The following NARS2 variants were observed in gnomAD, a reference collection of about 807,000 sequenced individuals.
The protein encoded by NARS2 is asparaginyl-tRNA synthetase.
NARS2 carries 60 observed loss-of-function variants against 62.9 expected under a neutral mutation model. That is an observed-to-expected ratio of 0.95 (90% confidence interval 0.77 to 1.18). The LOEUF (loss-of-function observed/expected upper bound fraction) is 1.18, where lower values mean the gene tolerates loss of function less well. Ranked by LOEUF, NARS2 falls within the 50% of genes most tolerant of loss-of-function variation. The probability of loss-of-function intolerance (pLI) is 0.00; values close to 1 mark genes in which losing one functional copy is unlikely to be tolerated. For missense variants in NARS2, 619 were observed against 576.4 expected (o/e 1.07, Z -0.76); for synonymous variants, 196 against 200.0 (o/e 0.98, Z 0.17).
intron 6 of NARS2, among the ~76,000 whole-genome samples, chr11:78,505,624 C>T (rs1860464796): frequency 6.6e-6 from 1 of 152,124 alleles, no homozygotes; most frequent in African/African-American, 2.4e-5. Context: ...TACCTGAAGT[C>T]ATATTGATTT....
chr11:78,458,784 C>T (rs1036279298), intron 11 of NARS2, among the ~76,000 whole-genome samples: 5 of 152,180 alleles, frequency 3.3e-5, no homozygotes. Flanking sequence ...GGTGTCCCCA[C>T]CCAAATCTCA....
intron 6 of NARS2, among the ~76,000 whole-genome samples, chr11:78,505,206 C>T (rs1263958371): frequency 2.0e-5 from 3 of 151,008 alleles, no homozygotes; most frequent in African/African-American, 7.3e-5. Flanking sequence ...GATCACTTCA[C>T]CCTAGGAGTT....
intron 11 of NARS2, among the ~76,000 whole-genome samples, chr11:78,454,866 C>G (rs1273711061): frequency 6.6e-6 from 1 of 152,152 alleles, no homozygotes; most frequent in Non-Finnish European, 1.5e-5. Context: ...ATTTGCCTGC[C>G]TTGGCCTCCC....
chr11:78,525,535 A>C (rs1385638579), intron 6 of NARS2, among the ~76,000 whole-genome samples: 2 of 152,158 alleles, frequency 1.3e-5, no homozygotes, highest in Admixed American at 6.5e-5. Context: ...TATAACCCAA[A>C]CTATGAAATA....
chr11:78,483,317 G>C (rs1209105313), intron 7 of NARS2, among the ~76,000 whole-genome samples: 1 of 152,162 alleles, frequency 6.6e-6, no homozygotes, highest in Non-Finnish European at 1.5e-5. Context: ...CATTCCATTT[G>C]AAAACTGGCA....
intron 7 of NARS2, among the ~76,000 whole-genome samples, chr11:78,491,824 G>C (rs1046821002): frequency 6.6e-6 from 1 of 152,056 alleles, no homozygotes; most frequent in Non-Finnish European, 1.5e-5. Context: ...ACTCAAGACA[G>C]GGTAATAAAA....
intron 9 of NARS2, among the ~76,000 whole-genome samples, chr11:78,475,322 G>C (rs11237516): frequency 6.6e-6 from 1 of 152,064 alleles, no homozygotes; most frequent in Non-Finnish European, 1.5e-5. Flanking sequence ...TGGACACTTA[G>C]GTTGATTCCA....
intron 5 of NARS2, among the ~76,000 whole-genome samples, chr11:78,539,108 T>A (rs1855510522): frequency 6.7e-6 from 1 of 148,586 alleles, no homozygotes; most frequent in East Asian, 2.1e-4. Flanking sequence ...TATTCTAAGA[T>A]CACAGAGCAG....
intron 5 of NARS2, among the ~76,000 whole-genome samples, chr11:78,541,758 T>C (rs1410123817): frequency 6.6e-6 from 1 of 152,162 alleles, no homozygotes; most frequent in Non-Finnish European, 1.5e-5. Flanking sequence ...AAATCTGTCA[T>C]ACAGTCTCCA....
At chr11:78,520,757 A>G (rs903314793) in intron 6 of NARS2, among the ~76,000 whole-genome samples, 35 of 152,276 alleles carry the variant, frequency 2.3e-4, no homozygotes, top group Non-Finnish European at 2.5e-4. Flanking sequence ...AAGTAAGAGT[A>G]AAATAGTAAG....
chr11:78,534,877 T>A (rs1401195894), intron 5 of NARS2, among the ~76,000 whole-genome samples: 1 of 152,214 alleles, frequency 6.6e-6, no homozygotes, highest in Admixed American at 6.5e-5. Context: ...TCCATTTGTG[T>A]TAATCCTTGG....
intron 9 of NARS2, among the ~76,000 whole-genome samples, chr11:78,472,275 G>T (rs1293016228): frequency 3.3e-5 from 5 of 152,040 alleles, no homozygotes; most frequent in Non-Finnish European, 7.4e-5. Context: ...AGTACTTTGA[G>T]GAAAGGAGGA....
chr11:78,454,578 C>A (rs549804189), intron 11 of NARS2, among the ~76,000 whole-genome samples: 1 of 151,570 alleles, frequency 6.6e-6, no homozygotes, highest in African/African-American at 2.4e-5. Context: ...TGCAGAACCA[C>A]GAGCCAAATA....
At position 78,571,601 on chromosome 11, in the gene NARS2, T is replaced by C. The variant is rs1856925557; in HGVS notation, c.142-157A>G. On this transcript the variant is annotated intron_variant, in intron 1 of 13. Transcript: ENST00000281038. ...ACCAATATGCATACTTAATTTTATATGTTCCAATCACAATAGGATACACAC... is the reference window on the plus strand; with the variant it reads ...ACCAATATGCATACTTAATTTTATACGTTCCAATCACAATAGGATACACAC... 13 of 576,736 alleles carry C rather than the reference T, an allele frequency of 2.3e-5. No individual in the cohort carries two copies. In the South Asian group the frequency reaches 2.7e-4, roughly 12 times the overall value. The allele number at this position is 576,736 out of a possible 1,614,324, so 35.7% of individuals were successfully genotyped here.
intron 9 of NARS2, among the ~76,000 whole-genome samples, chr11:78,477,085 T>C (rs750130151): frequency 6.6e-6 from 1 of 152,194 alleles, no homozygotes; most frequent in Non-Finnish European, 1.5e-5. Context: ...ATGGTGAATA[T>C]TATTTCTGCA....
Position 78,568,772 on chromosome 11 carries a change from G to T in NARS2, c.252-20C>A. ...AATTCTCTATAGTAACAAAAAACAA[G>T]ATAAACAAGATATCATTATATACAA... On this transcript the variant is annotated intron_variant, in intron 2 of 13. Coordinates refer to ENST00000281038, the MANE Select transcript of NARS2 (RefSeq NM_024678.6). The T allele has an allele frequency of 6.5e-7, 1 of 1,542,570 alleles. No individual in the cohort carries two copies. Among genetic ancestry groups the T allele is most frequent in the Non-Finnish European group, 8.9e-7 (1 of 1,128,260 alleles).
At chr11:78,440,444 T>A (rs774996882) in intron 13 of NARS2, among the ~76,000 whole-genome samples, 15 of 152,110 alleles carry the variant, frequency 9.9e-5, no homozygotes, top group African/African-American at 2.4e-5. Context: ...TTAGTTAACA[T>A]CTCTGGGCCT....
chr11:78,472,164 G>A (rs1294811113), intron 9 of NARS2, among the ~76,000 whole-genome samples: 2 of 152,104 alleles, frequency 1.3e-5, no homozygotes, highest in African/African-American at 4.8e-5. Context: ...TTACAGTTCT[G>A]ACATTTGATA....
chr11:78,499,662 A>G (rs1860210210), intron 6 of NARS2, among the ~76,000 whole-genome samples: 1 of 152,220 alleles, frequency 6.6e-6, no homozygotes, highest in Non-Finnish European at 1.5e-5. Flanking sequence ...ATTAGAACAA[A>G]TTTTAAATTA....
Sources: allele counts gnomAD v4.1 joint callset (sites outside exome capture counted in the v4.1 genomes callset), GRCh38; gene constraint gnomAD v4.1.1; transcripts MANE v1.5; gene names NCBI Gene and HGNC (gene_info 2026-07-23, HGNC 2026-07-21).